The following IGBP1C variants were observed in gnomAD, a reference collection of about 807,000 sequenced individuals.
IGBP1C encodes the protein immunoglobulin-binding protein 1 family member C.
the IGBP1C span, chr17:58,661,269 A>C: frequency 1.2e-6 from 1 of 801,350 alleles, no homozygotes; most frequent in South Asian, 1.3e-5. Flanking sequence ...TATTTTATAA[A>C]GTGTTCGCGA....
chr17:58,667,055 A>G, the IGBP1C span, among the ~76,000 whole-genome samples: 1 of 152,224 alleles, frequency 6.6e-6, no homozygotes, highest in Non-Finnish European at 1.5e-5. Flanking sequence ...ACAAAAACGC[A>G]CCACCTCACT....
chr17:58,660,460 T>C, the IGBP1C span: 1 of 586,072 alleles, frequency 1.7e-6, no homozygotes, highest in Non-Finnish European at 3.1e-6. Context: ...AAAGCAACAT[T>C]AAGCATCTTT....
the IGBP1C span, among the ~76,000 whole-genome samples, chr17:58,663,837 C>T: frequency 6.6e-6 from 1 of 152,164 alleles, no homozygotes; most frequent in African/African-American, 2.4e-5. Flanking sequence ...CACACTGGCC[C>T]TGAAGCTGCA....
the IGBP1C span, among the ~76,000 whole-genome samples, chr17:58,669,224 C>T: frequency 2.0e-5 from 3 of 151,792 alleles, no homozygotes; most frequent in East Asian, 1.9e-4. Context: ...TGGTGGTACA[C>T]GCCTCTAATT....
chr17:58,683,376 C>G, the IGBP1C span, among the ~76,000 whole-genome samples: 949 of 147,948 alleles, frequency 6.4e-3, 5 homozygotes, highest in Non-Finnish European at 9.1e-3. Flanking sequence ...CCATCCCCCC[C>G]CCCAAAAAAA....
the IGBP1C span, chr17:58,661,505 G>A: frequency 1.3e-6 from 1 of 780,786 alleles, no homozygotes; most frequent in East Asian, 2.4e-5. Context: ...GGTGGGTTCA[G>A]TCGCTCCTTC....
chr17:58,691,152 G>A, the IGBP1C span, among the ~76,000 whole-genome samples: 1 of 151,904 alleles, frequency 6.6e-6, no homozygotes, highest in African/African-American at 2.4e-5. Context: ...CACTGCGCCC[G>A]GCCAGCTTTT....
the IGBP1C span, among the ~76,000 whole-genome samples, chr17:58,689,888 C>T: frequency 3.2e-4 from 48 of 149,242 alleles, no homozygotes; most frequent in Non-Finnish European, 6.1e-4. Flanking sequence ...CTCGCTCTGT[C>T]GCCCAGGCTG....
chr17:58,664,191 C>A, the IGBP1C span, among the ~76,000 whole-genome samples: 4 of 152,354 alleles, frequency 2.6e-5, no homozygotes, highest in East Asian at 7.7e-4. Context: ...GAACTACCTT[C>A]CTAATTTTAT....
the IGBP1C span, among the ~76,000 whole-genome samples, chr17:58,683,720 G>A: frequency 1.4e-5 from 2 of 146,546 alleles, no homozygotes; most frequent in African/African-American, 2.5e-5. Context: ...CTGAGACTGC[G>A]CCACTGCACT....
chr17:58,662,594 T>A, the IGBP1C span, among the ~76,000 whole-genome samples: 10 of 152,016 alleles, frequency 6.6e-5, no homozygotes, highest in Non-Finnish European at 2.9e-5. Flanking sequence ...CAGGCACAAC[T>A]ATTAATCTCA....
chr17:58,670,771 TTAAAAAAAAAA>T, the IGBP1C span, among the ~76,000 whole-genome samples: 8 of 7,956 alleles, frequency 1.0e-3, no homozygotes, highest in Non-Finnish European at 1.6e-3. Flanking sequence ...AGACTCCCTC[TTAAAAAAAAAA>T]AAAAAAAAAA....
At chr17:58,686,540 G>A in the IGBP1C span, among the ~76,000 whole-genome samples, 1 of 152,076 alleles carries the variant, frequency 6.6e-6, no homozygotes, top group African/African-American at 2.4e-5. Context: ...GAGAGTCACT[G>A]CCATGCCCAG....
the IGBP1C span, among the ~76,000 whole-genome samples, chr17:58,672,142 C>A: frequency 2.0e-5 from 3 of 152,114 alleles, no homozygotes; most frequent in Non-Finnish European, 4.4e-5. Flanking sequence ...ATAGGTTTCA[C>A]GCTCCTATGA....
the IGBP1C span, chr17:58,675,339 AAAG>A: frequency 6.5e-6 from 1 of 153,964 alleles, no homozygotes; most frequent in South Asian, 1.7e-4. Context: ...CTAAAACTAC[AAAG>A]AAGATTGTGC....
At chr17:58,661,071 T>C in the IGBP1C span, 23 of 1,088,748 alleles carry the variant, frequency 2.1e-5, no homozygotes, top group South Asian at 9.9e-5. Context: ...GCAGATTTCA[T>C]TGTAGACAAC....
At chr17:58,684,458 G>A in the IGBP1C span, among the ~76,000 whole-genome samples, 30 of 146,202 alleles carry the variant, frequency 2.1e-4, no homozygotes, top group African/African-American at 6.8e-4. Context: ...GCGAAACTCC[G>A]TCCCAAAAAA....
the IGBP1C span, among the ~76,000 whole-genome samples, chr17:58,676,513 T>C: frequency 6.6e-6 from 1 of 152,036 alleles, no homozygotes; most frequent in Non-Finnish European, 1.5e-5. Context: ...TGAGCCAAGA[T>C]CATGCCATTG....
chr17:58,672,774 C>T, the IGBP1C span, among the ~76,000 whole-genome samples: 4 of 151,898 alleles, frequency 2.6e-5, no homozygotes, highest in African/African-American at 7.2e-5. Flanking sequence ...CTCTGTCACC[C>T]GGGCTGGAGT....
Sources: allele counts gnomAD v4.1 joint callset (sites outside exome capture counted in the v4.1 genomes callset), GRCh38; gene constraint gnomAD v4.1.1; transcripts MANE v1.5; gene names NCBI Gene and HGNC (gene_info 2026-07-23, HGNC 2026-07-21).